Variants in ABCC1 observed in about 807,000 individuals in gnomAD.
The protein encoded by ABCC1 is multidrug resistance-associated protein 1.
Under a neutral mutation model 172.9 loss-of-function variants are expected in ABCC1, and 83 were observed. The ratio of observed to expected loss-of-function variants is 0.48; its 90% CI spans 0.40 to 0.58. The LOEUF (loss-of-function observed/expected upper bound fraction) is 0.58, where lower values mean the gene tolerates loss of function less well. Among genes scored for constraint, ABCC1 ranks in the 20% least tolerant of loss-of-function variants. The pLI is 0.00. For missense variants in ABCC1, 1,817 were observed against 2,002.7 expected (o/e 0.91, Z 1.77); for synonymous variants, 937 against 825.2 (o/e 1.14, Z -2.32).
intron 7 of ABCC1, among the ~76,000 whole-genome samples, chr16:16,042,891 C>G (rs1373578748): frequency 2.6e-5 from 4 of 152,106 alleles, no homozygotes; most frequent in African/African-American, 4.8e-5. Context: ...CAGAGTCTTG[C>G]TGTGGCGCTG....
chr16:16,098,940 G>A, intron 19 of ABCC1: 1 of 1,349,218 alleles, frequency 7.4e-7, no homozygotes, highest in Non-Finnish European at 9.8e-7. Flanking sequence ...TTGGCTCATA[G>A]AATGAGGCCA....
At chr16:16,127,918 T>TC (rs2045505598) in intron 26 of ABCC1, among the ~76,000 whole-genome samples, 1 of 109,846 alleles carries the variant, frequency 9.1e-6, no homozygotes, top group Non-Finnish European at 1.9e-5. Flanking sequence ...TTCATTAGGT[T>TC]TTTTTTTTTT....
intron 3 of ABCC1, among the ~76,000 whole-genome samples, chr16:16,013,665 A>G (rs1000509143): frequency 1.3e-5 from 2 of 152,180 alleles, no homozygotes; most frequent in Non-Finnish European, 1.5e-5. Context: ...AAAAGGCACA[A>G]AGTGTTTGAA....
chr16:16,061,852 C>T (rs2049932086), intron 12 of ABCC1, among the ~76,000 whole-genome samples: 1 of 146,616 alleles, frequency 6.8e-6, no homozygotes, highest in African/African-American at 2.6e-5. Flanking sequence ...TGGCTCACTG[C>T]AACCTCTGCC....
At chr16:16,104,678 G>T (rs2051982776) in intron 20 of ABCC1, among the ~76,000 whole-genome samples, 1 of 152,210 alleles carries the variant, frequency 6.6e-6, no homozygotes, top group Non-Finnish European at 1.5e-5. Flanking sequence ...TCACTCCTCA[G>T]CCCTTGGGCG....
chr16:16,114,940 C>G lies in ABCC1; in HGVS notation c.3254C>G (p.Ser1085Cys). 2.5e-6 allele frequency: 4 copies of G among 1,614,114 alleles called. No homozygotes were observed. Among genetic ancestry groups the G allele is most frequent in the Non-Finnish European group, 3.4e-6 (4 of 1,179,986 alleles). ...TCCAAGGAGCTGGACACAGTGGACT[C>G]CATGATCCCGGAGGTCATCAAGATG... ...RFSKELDTVD[S>C]MIPEVIKMFM... The change falls in exon 23 of 31, where the codon TCC (serine) becomes TGC (cysteine). Residue 1085 changes from serine (S) to cysteine (C), a missense_variant. This residue lies in a region of ABCC1 where 1,412 missense variants were observed against 1,600.3 expected (regional missense o/e 0.88). Coordinates refer to ENST00000399410, the MANE Select transcript of ABCC1 (RefSeq NM_004996.4).
intron 19 of ABCC1, among the ~76,000 whole-genome samples, chr16:16,101,291 T>G (rs2051734416): frequency 6.6e-6 from 1 of 152,064 alleles, no homozygotes; most frequent in African/African-American, 2.4e-5. Context: ...GCCTCGGCCT[T>G]GAAAGTGCTG....
intron 24 of ABCC1, among the ~76,000 whole-genome samples, chr16:16,123,706 A>T (rs2045272455): frequency 6.6e-6 from 1 of 152,168 alleles, no homozygotes; most frequent in Admixed American, 6.5e-5. Flanking sequence ...TACCATACTA[A>T]ACCTAGCTTT....
chr16:16,114,854 C>A lies in ABCC1; in HGVS notation c.3168C>A (p.Ile1056=). The change falls in exon 23 of 31, where the codon ATC becomes ATA. Residue 1056 remains isoleucine (I), a synonymous_variant. Transcript: ENST00000399410. Reference sequence around the variant, plus strand: ...TGCACGTGGACCTGCTGCACAGCATCCTGCGGTCACCCATGAGCTTCTTTG... The same window carrying A: ...TGCACGTGGACCTGCTGCACAGCATACTGCGGTCACCCATGAGCTTCTTTG... The part of the protein sequence containing the change: ...RCLHVDLLHS[I]LRSPMSFFER... 2 of 1,614,016 alleles carry A rather than the reference C, an allele frequency of 1.2e-6. No homozygotes were observed. The highest frequency in any genetic ancestry group is 1.7e-6 in the Non-Finnish European group (2 of 1,179,962).
chr16:16,111,529 A>C lies in ABCC1; in HGVS notation c.3026A>C (p.Gln1009Pro). Reference protein sequence around the residue: ...WTDDPIVNGTQEHTKVRLSVY... With the variant: ...WTDDPIVNGTPEHTKVRLSVY... ...GATGACCCCATCGTCAACGGGACTC[A>C]GGAGCACACGAAAGTCCGGCTGAGC... is the stretch of plus-strand genomic sequence containing the variant. Residue 1009 changes from glutamine (Q) to proline (P), a missense_variant, in exon 22 of 31, where the codon CAG (glutamine) becomes CCG (proline). Around this residue, in one of 3 missense-constraint regions of ABCC1, gnomAD observed 1,412 missense variants for 1,600.3 expected, o/e 0.88. Coordinates refer to ENST00000399410, the MANE Select transcript of ABCC1 (RefSeq NM_004996.4). 1 of 1,614,162 alleles carries C rather than the reference A, an allele frequency of 6.2e-7. No individual in the cohort carries two copies. Among genetic ancestry groups the C allele is most frequent in the Non-Finnish European group, 8.5e-7 (1 of 1,180,036 alleles).
intron 1 of ABCC1, among the ~76,000 whole-genome samples, chr16:15,957,811 C>T (rs1025975070): frequency 1.3e-5 from 2 of 152,008 alleles, no homozygotes; most frequent in Non-Finnish European, 2.9e-5. Context: ...CCAGCATGGC[C>T]TCGATCTCTT....
chr16:16,107,919 G>C (rs928184590), intron 21 of ABCC1, among the ~76,000 whole-genome samples: 9 of 151,566 alleles, frequency 5.9e-5, no homozygotes, highest in Non-Finnish European at 1.0e-4. Context: ...GGTGGTAGCC[G>C]GGGAGTGGGG....
chr16:16,077,909 G>A (rs981563513), intron 15 of ABCC1, among the ~76,000 whole-genome samples: 1 of 152,228 alleles, frequency 6.6e-6, no homozygotes, highest in Non-Finnish European at 1.5e-5. Flanking sequence ...TGTAATCCCA[G>A]CACTTTGGGA....
intron 1 of ABCC1, among the ~76,000 whole-genome samples, chr16:15,982,418 C>T (rs1470843732): frequency 6.6e-6 from 1 of 151,892 alleles, no homozygotes; most frequent in Non-Finnish European, 1.5e-5. Flanking sequence ...CTTCACATGG[C>T]GGCAGGAAGG....
intron 9 of ABCC1, 135 bp downstream of exon 9, chr16:16,046,148 T>G: frequency 1.0e-6 from 1 of 986,122 alleles, no homozygotes; most frequent in Non-Finnish European, 1.5e-6. Context: ...TTCCGTGACC[T>G]TAGGTGGCAG....
chr16:16,116,963 G>A (rs1414898581), intron 23 of ABCC1, among the ~76,000 whole-genome samples: 1 of 152,150 alleles, frequency 6.6e-6, no homozygotes, highest in African/African-American at 2.4e-5. Flanking sequence ...TAAACTGACA[G>A]GGAGGGTCTG....
chr16:16,113,894 C>G (rs1166882235), intron 22 of ABCC1, among the ~76,000 whole-genome samples: 1 of 152,146 alleles, frequency 6.6e-6, no homozygotes, highest in Non-Finnish European at 1.5e-5. Flanking sequence ...GTCTAGGTCC[C>G]TTGCATGCAC....
At chr16:16,120,729 A>AGG (rs565112296) in intron 23 of ABCC1, among the ~76,000 whole-genome samples, 2 of 152,014 alleles carry the variant, frequency 1.3e-5, no homozygotes, top group African/African-American at 4.8e-5. Flanking sequence ...CAGGGAAGGA[A>AGG]GGGGAGAGTT....
At chr16:16,022,645 A>C (rs1414892560) in intron 5 of ABCC1, among the ~76,000 whole-genome samples, 3 of 152,128 alleles carry the variant, frequency 2.0e-5, no homozygotes, top group Non-Finnish European at 4.4e-5. Flanking sequence ...CAGGGTTGCA[A>C]ATCACTGGTT....
Sources: allele counts gnomAD v4.1 joint callset (sites outside exome capture counted in the v4.1 genomes callset), GRCh38; gene constraint gnomAD v4.1.1; regional missense constraint gnomAD v4.1.1; transcripts MANE v1.5; gene names NCBI Gene and HGNC (gene_info 2026-07-23, HGNC 2026-07-21).